Variants in GTSE1 observed in about 807,000 individuals in gnomAD.
GTSE1 encodes the protein G2 and S phase-expressed protein 1.
A neutral mutation model predicts 60.5 loss-of-function variants in GTSE1; 52 were observed. That is an observed-to-expected ratio of 0.86 (90% CI 0.69 to 1.08). The LOEUF (loss-of-function observed/expected upper bound fraction) is 1.08. GTSE1 is among the 50% of genes least tolerant of loss of function. The pLI, the probability that GTSE1 is intolerant of heterozygous loss-of-function variation, is 0.00. For synonymous variants in GTSE1, 368 were observed against 386.5 expected, an observed-to-expected ratio of 0.95 and a Z score of 0.56; for missense variants, 937 against 961.8, an observed-to-expected ratio of 0.97 and a Z score of 0.34.
chr22:46,311,056 C>T (rs147574697), intron 4 of GTSE1, among the ~76,000 whole-genome samples: 1 of 147,874 alleles, frequency 6.8e-6, no homozygotes, highest in Non-Finnish European at 1.5e-5. Flanking sequence ...CTAATGGGTA[C>T]AGGTTGTTTT....
intron 2 of GTSE1, among the ~76,000 whole-genome samples, chr22:46,298,240 G>C (rs537311106): frequency 6.6e-6 from 1 of 151,938 alleles, no homozygotes; most frequent in South Asian, 2.1e-4. Context: ...TAGGATTATA[G>C]GTGTGAGCCA....
intron 8 of GTSE1, 67 bp downstream of exon 8, chr22:46,323,329 A>G: frequency 1.7e-6 from 2 of 1,205,816 alleles, no homozygotes; most frequent in Non-Finnish European, 2.5e-6. Context: ...GCTTACCTCA[A>G]CCATTTGGTA....
At position 46,317,875 on chromosome 22, in the gene GTSE1, G is replaced by A. The variant is rs535533597; in HGVS notation, c.1432+1463G>A. Among the ~76,000 whole-genome samples the A allele has an allele frequency of 1.3e-5, 2 of 152,034 alleles. No homozygotes were observed. The highest frequency in any genetic ancestry group is 4.8e-5 in the African/African-American group (2 of 41,532). ...CTCGTTGCTCCCTGGTAAGACGGCG[G>A]TTTCTCGGCCCTGTGAGCTCCGCTC... On this transcript the variant is annotated intron_variant, in intron 7 of 11. Transcript: ENST00000454366. The surrounding 1 kb of genome is among the most constrained non-coding windows in gnomAD (Gnocchi z 5.6).
rs1171447577 is a variant in GTSE1, at chr22:46,297,737, C to T, written c.79+258C>T. ...TGAACAGCACCTAACACTTTGTGGG[C>T]TCTCAAATATTTATTGTATTGAATT... On this transcript the variant is annotated intron_variant, in intron 2 of 11. Coordinates refer to ENST00000454366, the MANE Select transcript of GTSE1 (RefSeq NM_016426.7). This position sits in a 1 kb window ranked among gnomAD's most constrained non-coding sequence, Gnocchi z 4.9. Among the ~76,000 whole-genome samples the T allele has an allele frequency of 1.3e-5, 2 of 152,138 alleles. No homozygotes were observed. Among genetic ancestry groups the T allele is most frequent in the Non-Finnish European group, 2.9e-5 (2 of 68,034 alleles).
intron 2 of GTSE1, among the ~76,000 whole-genome samples, chr22:46,303,549 T>C (rs1477018133): frequency 6.6e-6 from 1 of 152,254 alleles, no homozygotes; most frequent in Non-Finnish European, 1.5e-5. Flanking sequence ...TGTTGCTTTA[T>C]GTGTCCAGAA....
rs1380822998 is a variant in GTSE1, at chr22:46,316,409, A to G, written c.1429A>G (p.Ile477Val). The change falls in exon 7 of 12, where the codon ATT (isoleucine) becomes GTT (valine). Residue 477 changes from isoleucine (I) to valine (V), a missense_variant. Coordinates refer to ENST00000454366, the MANE Select transcript of GTSE1 (RefSeq NM_016426.7). This position sits in a 1 kb window ranked among gnomAD's most constrained non-coding sequence, Gnocchi z 5.0. ...TNQFKIPKFS[I>V]GDSPDSSTPK... Reference sequence around the variant, plus strand: ...TCAATTTAAAATTCCTAAGTTTTCTATTGGTGAGTAATAGATACATTTTAA... The same window carrying G: ...TCAATTTAAAATTCCTAAGTTTTCTGTTGGTGAGTAATAGATACATTTTAA... 6 of 1,539,952 alleles carry G rather than the reference A, an allele frequency of 3.9e-6. No homozygotes were observed. Among genetic ancestry groups the G allele is most frequent in the African/African-American group, 2.7e-5 (2 of 73,004 alleles).
At position 46,297,335 on chromosome 22, in the gene GTSE1, G is replaced by C; in HGVS notation, c.-21-45G>C. 2.7e-6 allele frequency: 3 copies of C among 1,101,776 alleles called. No homozygotes were observed. The highest frequency in any genetic ancestry group is 4.2e-6 in the Non-Finnish European group (3 of 715,288). The allele number at this position is 1,101,776 out of a possible 1,614,324, so 68.2% of individuals were successfully genotyped here. A position where few individuals can be genotyped will look rare whatever the true frequency, so the allele number is the denominator to read the frequency against. The stretch of plus-strand genomic sequence containing the variant: ...GAGGGCTGAAGGAAGCCGGAGCCCT[G>C]GGCCCTGACACGTACTCACTTTCTG... On this transcript the variant is annotated intron_variant, in intron 1 of 11. Transcript: ENST00000454366. This position sits in a 1 kb window ranked among gnomAD's most constrained non-coding sequence, Gnocchi z 4.9.
chr22:46,312,218 T>C lies in GTSE1; in HGVS notation c.840T>C (p.Pro280=). ...AGGAATCCCACCGGGATGTTCTCCC[T>C]GACAAACCTGCCCCGGGTGCTGTCA... ...AEKESHRDVL[P]DKPAPGAVNV... is the part of the protein sequence containing the mutation. Residue 280 remains proline, a synonymous_variant, in exon 5 of 12, where the codon CCT becomes CCC. Coordinates refer to ENST00000454366, the MANE Select transcript of GTSE1 (RefSeq NM_016426.7). The C allele has an allele frequency of 6.2e-7, 1 of 1,614,166 alleles. No individual in the cohort carries two copies.
In GTSE1 at chr22:46,309,397, G is replaced by A. The variant is rs2077735713; in HGVS notation, c.762+454G>A. Among the ~76,000 whole-genome samples, 1 of 152,142 alleles carries A rather than the reference G, an allele frequency of 6.6e-6. No homozygotes were observed. The highest frequency in any genetic ancestry group is 1.5e-5 in the Non-Finnish European group (1 of 68,032). ...TTTGGGTGCAGTCTGCCTACTCTGG[G>A]ACACTGAGGGTCCTGGAGGTCTGGG... On this transcript the variant is annotated intron_variant, in intron 4 of 11. Coordinates refer to ENST00000454366, the MANE Select transcript of GTSE1 (RefSeq NM_016426.7). The surrounding 1 kb of genome is among the most constrained non-coding windows in gnomAD (Gnocchi z 6.2).
rs997843603 is a variant in GTSE1, at chr22:46,297,047, C to G, written c.-22+116C>G. On this transcript the variant is annotated intron_variant, in intron 1 of 11. Transcript: ENST00000454366. The surrounding 1 kb of genome is among the most constrained non-coding windows in gnomAD (Gnocchi z 4.9). ...CCCCGCCAGGAGCCGGGCCTGGGCT[C>G]GAGCAGGGGTCACTGAGGCCCCTCG... 1 of 223,810 alleles carries G rather than the reference C, an allele frequency of 4.5e-6. No homozygotes were observed. The highest frequency in any genetic ancestry group is 9.0e-6 in the Non-Finnish European group (1 of 110,814). The allele number at this position is 223,810 out of a possible 1,614,324, so 13.9% of individuals were successfully genotyped here.
chr22:46,311,069 TTTTTG>T (rs1329842061), intron 4 of GTSE1, among the ~76,000 whole-genome samples: 3 of 151,946 alleles, frequency 2.0e-5, no homozygotes, highest in Admixed American at 6.6e-5. Context: ...GTTGTTTTTT[TTTTTG>T]TTTTGTTTTG....
At chr22:46,322,631 T>G (rs1249305327) in intron 7 of GTSE1, among the ~76,000 whole-genome samples, 2 of 152,204 alleles carry the variant, frequency 1.3e-5, no homozygotes, top group Non-Finnish European at 1.5e-5. Context: ...CCTCTGAGCC[T>G]GCTTTTCATC....
At chr22:46,307,786 C>A (rs796655261) in intron 2 of GTSE1, among the ~76,000 whole-genome samples, 6 of 151,678 alleles carry the variant, frequency 4.0e-5, no homozygotes, top group African/African-American at 1.5e-4. Flanking sequence ...CAGGCATAAG[C>A]CACCGCCCCC....
rs2077761482 is a variant in GTSE1, at chr22:46,313,644, G to C, written c.928-246G>C. On this transcript the variant is annotated intron_variant, in intron 5 of 11. Coordinates refer to ENST00000454366, the MANE Select transcript of GTSE1 (RefSeq NM_016426.7). This position sits in a 1 kb window ranked among gnomAD's most constrained non-coding sequence, Gnocchi z 4.4. ...CTACCTCAGCCTCCCGAGTAGCTGG[G>C]ACTACAGGTGCCTGCCACCATGCCC... 1.3e-5 allele frequency among the ~76,000 whole-genome samples: 2 copies of C among 152,114 alleles called. No individual in the cohort carries two copies. Among genetic ancestry groups the C allele is most frequent in the African/African-American group, 4.8e-5 (2 of 41,440 alleles).
chr22:46,323,467 G>A (rs2077825945), intron 8 of GTSE1, among the ~76,000 whole-genome samples: 1 of 152,224 alleles, frequency 6.6e-6, no homozygotes, highest in East Asian at 1.9e-4. Flanking sequence ...CCGCGATGCA[G>A]TACGGCAGCT....
intron 2 of GTSE1, among the ~76,000 whole-genome samples, chr22:46,298,906 C>T (rs539467597): frequency 9.2e-5 from 14 of 152,224 alleles, no homozygotes; most frequent in Admixed American, 2.0e-4. Context: ...ACGTCTCCTC[C>T]GTTGCCTCTC....
At chr22:46,305,733 C>A (rs538706262) in intron 2 of GTSE1, among the ~76,000 whole-genome samples, 1 of 151,778 alleles carries the variant, frequency 6.6e-6, no homozygotes, top group African/African-American at 2.4e-5. Context: ...ATGGTGAAAC[C>A]GCATCTCTAC....
intron 9 of GTSE1, 73 bp downstream of exon 9, chr22:46,326,727 T>C: frequency 9.5e-7 from 1 of 1,055,432 alleles, no homozygotes; most frequent in East Asian, 2.6e-5. Context: ...ACATACCTTT[T>C]TCTTGCCTTG....
At chr22:46,328,480 CA>C in intron 9 of GTSE1, among the ~76,000 whole-genome samples, 1 of 152,294 alleles carries the variant, frequency 6.6e-6, no homozygotes, top group South Asian at 2.1e-4. Context: ...TGATGCTGGA[CA>C]GCTAAGATTT....
Sources: allele counts gnomAD v4.1 joint callset (sites outside exome capture counted in the v4.1 genomes callset), GRCh38; gene constraint gnomAD v4.1.1; non-coding constraint Gnocchi (gnomAD v3.1); transcripts MANE v1.5; gene names NCBI Gene and HGNC (gene_info 2026-07-23, HGNC 2026-07-21).